The following SHROOM4 variants were observed in gnomAD, a reference collection of about 807,000 sequenced individuals.
SHROOM4 encodes shroom family member 4, also known as protein Shroom4.
A neutral mutation model predicts 80.3 loss-of-function variants in SHROOM4; 17 were observed. That is an observed-to-expected ratio of 0.21 (90% confidence interval 0.14 to 0.32). The LOEUF (loss-of-function observed/expected upper bound fraction) is 0.32. Among genes scored for constraint, SHROOM4 ranks in the 10% least tolerant of loss-of-function variants. The pLI, the probability that SHROOM4 is intolerant of heterozygous loss-of-function variation, is 1.00. For missense variants in SHROOM4, 993 were observed against 1,140.3 expected (o/e 0.87, Z 1.86); for synonymous variants, 400 against 437.5 (o/e 0.91, Z 1.07).
intron 1 of SHROOM4, among the ~76,000 whole-genome samples, chrX:50,715,585 A>C (rs1557264738): frequency 8.9e-6 from 1 of 111,783 alleles, no homozygotes; most frequent in Admixed American, 9.5e-5. Flanking sequence ...AGGCATATAA[A>C]AATATGCTCA....
At chrX:50,788,476 G>C (rs986939998) in intron 1 of SHROOM4, among the ~76,000 whole-genome samples, 1 of 110,394 alleles carries the variant, frequency 9.1e-6, no homozygotes, top group South Asian at 3.9e-4. Flanking sequence ...GCGTGGTGGC[G>C]GGCGCCTGTA....
intron 5 of SHROOM4, among the ~76,000 whole-genome samples, chrX:50,618,941 G>A (rs782010011): frequency 8.1e-5 from 9 of 111,759 alleles, no homozygotes; most frequent in Non-Finnish European, 1.5e-4. Flanking sequence ...ATCCTCGGGC[G>A]TCCATGAAGG....
chrX:50,661,976 A>T (rs1932527257), intron 2 of SHROOM4, among the ~76,000 whole-genome samples: 1 of 110,810 alleles, frequency 9.0e-6, no homozygotes, highest in Admixed American at 9.7e-5. Flanking sequence ...GTGGTTCTCA[A>T]AATTCAGTCC....
intron 1 of SHROOM4, among the ~76,000 whole-genome samples, chrX:50,722,755 G>T: frequency 9.0e-6 from 1 of 110,915 alleles, no homozygotes; most frequent in East Asian, 2.9e-4. Context: ...TGACTCATGG[G>T]CAATTTCATT....
At position 50,595,744 on chromosome X, in the gene SHROOM4, T is replaced by G. The variant is rs1473304650; in HGVS notation, c.*951A>C. On this transcript the variant is annotated 3_prime_UTR_variant, in exon 9 of 9. Transcript: ENST00000376020. ...TGATCTGCAGAAAATGCTTTCCTTCTGGGCTAACTTTTCCCTCTCCAACTT... is the reference window on the plus strand; with the variant it reads ...TGATCTGCAGAAAATGCTTTCCTTCGGGGCTAACTTTTCCCTCTCCAACTT... 1 of 293,904 alleles carries G rather than the reference T, an allele frequency of 3.4e-6. No individual in the cohort carries two copies. The highest frequency in any genetic ancestry group is 2.8e-5 in the African/African-American group (1 of 35,501). The allele number at this position is 293,904 out of a possible 1,213,427, so 24.2% of individuals were successfully genotyped here.
intron 1 of SHROOM4, among the ~76,000 whole-genome samples, chrX:50,709,974 G>T (rs1161511999): frequency 3.6e-5 from 4 of 111,840 alleles, no homozygotes; most frequent in Non-Finnish European, 5.6e-5. Context: ...AAAAATCTCT[G>T]AATTAGAAGT....
intron 2 of SHROOM4, among the ~76,000 whole-genome samples, chrX:50,691,195 T>C (rs782171693): frequency 9.0e-6 from 1 of 111,642 alleles, no homozygotes; most frequent in East Asian, 2.8e-4. Context: ...ACTTTTTGTA[T>C]AGCTGACAGT....
At chrX:50,691,888 G>A (rs1323090645) in intron 2 of SHROOM4, among the ~76,000 whole-genome samples, 1 of 111,369 alleles carries the variant, frequency 9.0e-6, no homozygotes, top group African/African-American at 3.3e-5. Context: ...TTCCTATACC[G>A]TGCCCAAGGT....
intron 1 of SHROOM4, among the ~76,000 whole-genome samples, chrX:50,795,135 T>TG (rs1569549159): frequency 1.8e-3 from 5 of 2,774 alleles, no homozygotes; most frequent in South Asian, 0.034. Context: ...ATGATATATA[T>TG]ATATATATAT....
chrX:50,695,316 A>G (rs1053831136), intron 2 of SHROOM4, among the ~76,000 whole-genome samples: 1 of 111,699 alleles, frequency 9.0e-6, no homozygotes, highest in African/African-American at 3.3e-5. Context: ...ATATACTGCT[A>G]CTTAGTCACA....
intron 1 of SHROOM4, among the ~76,000 whole-genome samples, chrX:50,785,875 G>A (rs1316141798): frequency 9.0e-6 from 1 of 111,339 alleles, no homozygotes; most frequent in African/African-American, 3.3e-5. Context: ...ATATCATAGT[G>A]AATATATTAA....
intron 4 of SHROOM4, among the ~76,000 whole-genome samples, chrX:50,630,602 C>T (rs996936718): frequency 9.0e-6 from 1 of 110,743 alleles, no homozygotes; most frequent in African/African-American, 3.3e-5. Flanking sequence ...TTCAAACATA[C>T]AAAAATGTTG....
chrX:50,760,249 T>C (rs781804174), intron 1 of SHROOM4, among the ~76,000 whole-genome samples: 1 of 110,788 alleles, frequency 9.0e-6, no homozygotes, highest in South Asian at 3.8e-4. Flanking sequence ...GTTAAGTATA[T>C]AAATATTTAA....
intron 1 of SHROOM4, among the ~76,000 whole-genome samples, chrX:50,755,535 T>C (rs1732698796): frequency 8.9e-6 from 1 of 111,775 alleles, no homozygotes; most frequent in African/African-American, 3.3e-5. Context: ...ACCAGCAACA[T>C]AAGACACGAC....
chrX:50,616,775 G>T (rs1050873943), intron 5 of SHROOM4, among the ~76,000 whole-genome samples: 1 of 111,507 alleles, frequency 9.0e-6, no homozygotes, highest in South Asian at 3.8e-4. Context: ...GGAAACAAAG[G>T]TTCAGAGTAA....
chrX:50,617,622 T>TC (rs58839497), intron 5 of SHROOM4, among the ~76,000 whole-genome samples: 679 of 63,220 alleles, frequency 0.011, no homozygotes, highest in Middle Eastern at 0.031. Context: ...CTTAAAAAAA[T>TC]CCCCCCCCCC....
At chrX:50,660,449 T>C (rs1221690361) in intron 2 of SHROOM4, among the ~76,000 whole-genome samples, 1 of 110,793 alleles carries the variant, frequency 9.0e-6, no homozygotes, top group East Asian at 2.8e-4. Context: ...TTCTGATAGG[T>C]GAAAGTTACA....
intron 1 of SHROOM4, among the ~76,000 whole-genome samples, chrX:50,734,031 A>G (rs1934425887): frequency 8.9e-6 from 1 of 112,341 alleles, no homozygotes; most frequent in Non-Finnish European, 1.9e-5. Context: ...AATACCATAA[A>G]AAGAATAACA....
At chrX:50,624,356 T>TTTCTCCTTCTACTACTTCAGCTGC (rs1930709520) in intron 5 of SHROOM4, among the ~76,000 whole-genome samples, 2 of 111,334 alleles carry the variant, frequency 1.8e-5, no homozygotes, top group Admixed American at 1.9e-4. Context: ...CACTGGCAGA[T>TTTCTCCTTCTACTACTTCAGCTGC]TTCTCCTTCT....
Sources: gnomAD v4.1 joint callset for allele counts (sites outside exome capture counted in the v4.1 genomes callset) on GRCh38, gnomAD v4.1.1 for gene constraint, MANE v1.5 for transcripts, NCBI Gene and HGNC (gene_info 2026-07-23, HGNC 2026-07-21) for gene names.